Variants in CCDC82 observed in about 807,000 individuals in gnomAD.
CCDC82 encodes the protein coiled-coil domain containing 82.
In CCDC82, 47 loss-of-function variants were observed where a neutral mutation model predicts 60.6. The ratio of observed to expected loss-of-function variants is 0.77; its 90% CI spans 0.61 to 0.99. CCDC82 has a LOEUF of 0.99. Among genes scored for constraint, CCDC82 ranks in the 50% least tolerant of loss-of-function variants. The pLI, the probability that CCDC82 is intolerant of heterozygous loss-of-function variation, is 0.00. For missense variants in CCDC82, 588 were observed against 633.0 expected, an observed-to-expected ratio of 0.93 and a Z score of 0.76; for synonymous variants, 212 against 207.4, an observed-to-expected ratio of 1.02 and a Z score of -0.19.
chr11:96,374,816 A>C (rs1442613304), intron 5 of CCDC82, among the ~76,000 whole-genome samples: 2 of 152,074 alleles, frequency 1.3e-5, no homozygotes, highest in Non-Finnish European at 1.5e-5. Flanking sequence ...TCTCTGCCAG[A>C]TATGTTATAA....
At chr11:96,355,300 T>C (rs1312973761) in intron 9 of CCDC82, 1 of 152,158 alleles carries the variant, frequency 6.6e-6, no homozygotes, top group Non-Finnish European at 1.5e-5. Flanking sequence ...GCTCAGGCGA[T>C]TCTACCACCT....
chr11:96,365,300 T>C (rs1039478618), intron 7 of CCDC82, 150 bp from the exon 8 acceptor site: 22 of 454,564 alleles, frequency 4.8e-5, no homozygotes, highest in African/African-American at 8.0e-5. Context: ...ACTGAGCACA[T>C]AGTAGGTATT....
At chr11:96,365,741 G>A (rs1864911355) in intron 7 of CCDC82, among the ~76,000 whole-genome samples, 3 of 152,148 alleles carry the variant, frequency 2.0e-5, no homozygotes, top group Admixed American at 2.0e-4. Flanking sequence ...AAAACACTTG[G>A]CATTCATAAA....
In CCDC82 at chr11:96,369,571, G is replaced by C. The variant is rs1865148827; in HGVS notation, c.1209+1442C>G. Among the ~76,000 whole-genome samples, 3 of 152,156 alleles carry C rather than the reference G, an allele frequency of 2.0e-5. No individual in the cohort carries two copies. In the South Asian group the frequency reaches 6.2e-4, roughly 32 times the overall value. ...GGTGGAGCAGTCAGCACACACATTT[G>C]TAAATTAAGTTCACTATTATATGGG... On this transcript the variant is annotated intron_variant, in intron 7 of 9. Transcript: ENST00000646818.
chr11:96,369,015 C>T (rs963165823), intron 7 of CCDC82, among the ~76,000 whole-genome samples: 1 of 152,216 alleles, frequency 6.6e-6, no homozygotes, highest in Non-Finnish European at 1.5e-5. Flanking sequence ...CACCTTTGCA[C>T]TTTTACGTTA....
At chr11:96,389,555 A>C (rs1183440240) in intron 1 of CCDC82, 2 of 152,256 alleles carry the variant, frequency 1.3e-5, no homozygotes, top group African/African-American at 4.8e-5. Flanking sequence ...AAGGGTCTGG[A>C]AAGGCCAGAA....
intron 8 of CCDC82, chr11:96,364,422 T>A (rs1210054343): frequency 6.6e-6 from 1 of 152,110 alleles, no homozygotes; most frequent in African/African-American, 2.4e-5. Flanking sequence ...AGAATTTAGA[T>A]AAATATTATA....
intron 9 of CCDC82, 59 bp downstream of exon 9, chr11:96,358,934 T>C: frequency 7.4e-7 from 1 of 1,358,704 alleles, no homozygotes; most frequent in Non-Finnish European, 1.0e-6. Context: ...TGTTTCCTTT[T>C]GCTGATCATA....
In CCDC82 at chr11:96,384,068, G is replaced by A. The variant is rs1328976103; in HGVS notation, c.680C>T (p.Thr227Ile). The part of the protein sequence containing the change: ...EGSSVEMEQK[T>I]PEKTLAAQKR... ...TTGTGCAGCTAATGTTTTTTCAGGA[G>A]TCTTTTGCTCCATTTCCACTGAAGA... Residue 227 changes from threonine (T) to isoleucine (I), a missense_variant, in exon 4 of 10, where the codon ACT (threonine) becomes ATT (isoleucine). Transcript: ENST00000646818. 2.5e-6 allele frequency: 4 copies of A among 1,613,714 alleles called. No homozygotes were observed. Among genetic ancestry groups the A allele is most frequent in the East Asian group, 4.5e-5 (2 of 44,858 alleles).
At chr11:96,371,245 AG>A in intron 6 of CCDC82, 108 bp from the exon 7 acceptor site, 1 of 705,826 alleles carries the variant, frequency 1.4e-6, no homozygotes, top group Non-Finnish European at 2.1e-6. Context: ...ATTTTAAATT[AG>A]GAAAAAAAAT....
At chr11:96,354,983 C>T (rs1244827544) in intron 9 of CCDC82, 4 of 152,154 alleles carry the variant, frequency 2.6e-5, no homozygotes, top group South Asian at 2.1e-4. Flanking sequence ...TTTTTATAAC[C>T]GTATGATATC....
chr11:96,384,763 TATAAA>T lies in CCDC82; in HGVS notation c.-14-7_-14-3del. The stretch of plus-strand genomic sequence containing the variant: ...CATGTATCATTTTCACTTAAGCTTC[TATAAA>T]ATAAAGTTGTTAGGAATATAACAGT... On this transcript the variant is annotated splice_polypyrimidine_tract_variant and splice_region_variant and intron_variant, in intron 3 of 9. Transcript: ENST00000646818. The T allele has an allele frequency of 1.3e-6, 2 of 1,552,540 alleles. No homozygotes were observed. The highest frequency in any genetic ancestry group is 1.7e-6 in the Non-Finnish European group (2 of 1,151,274).
Position 96,384,506 on chromosome 11 carries a change from C to T in CCDC82, c.242G>A (p.Ser81Asn), listed in dbSNP as rs1343571398. 4 of 1,613,644 alleles carry T rather than the reference C, an allele frequency of 2.5e-6. No individual in the cohort carries two copies. The highest frequency in any genetic ancestry group is 1.1e-5 in the South Asian group (1 of 91,076). ...KGPDCNKTPG[S>N]ERELNLSKIQ... is the part of the protein sequence containing the mutation. ...TTTACTTAAGTTGAGCTCTCTTTCA[C>T]TTCCTGGTGTTTTATTACAATCAGG... The change falls in exon 4 of 10, where the codon AGT becomes AAT. Residue 81 changes from serine (S) to asparagine (N), a missense_variant. Transcript: ENST00000646818.
At position 96,384,065 on chromosome 11, in the gene CCDC82, G is replaced by A. The variant is rs1393885109; in HGVS notation, c.683C>T (p.Pro228Leu). ...GSSVEMEQKT[P>L]EKTLAAQKRE... ...CTTTTGTGCAGCTAATGTTTTTTCA[G>A]GAGTCTTTTGCTCCATTTCCACTGA... Residue 228 changes from proline (P) to leucine (L), a missense_variant, in exon 4 of 10, where the codon CCT becomes CTT. Physicochemically the swap from Pro to Leu is moderately conservative, Grantham distance 98. Coordinates refer to ENST00000646818, the MANE Select transcript of CCDC82 (RefSeq NM_024725.4). 1 of 1,613,698 alleles carries A rather than the reference G, an allele frequency of 6.2e-7. No individual in the cohort carries two copies. Among genetic ancestry groups the A allele is most frequent in the Non-Finnish European group, 8.5e-7 (1 of 1,179,750 alleles).
Position 96,384,390 on chromosome 11 carries a change from T to C in CCDC82, c.358A>G (p.Asn120Asp), listed in dbSNP as rs1480063984. ...TTTTCCTGATCTTGTAAGTCAATAT[T>C]CCTATGTTTGATTTTGTTCGTTTCT... ...EEETNKIKHR[N>D]IDLQDQEKHL... The change falls in exon 4 of 10, where the codon AAT becomes GAT. Residue 120 changes from asparagine to aspartate, a missense_variant. By Grantham distance (23) the Asn-to-Asp change is conservative. Coordinates refer to ENST00000646818, the MANE Select transcript of CCDC82 (RefSeq NM_024725.4). The C allele has an allele frequency of 6.2e-7, 1 of 1,613,858 alleles. No individual in the cohort carries two copies. The highest frequency in any genetic ancestry group is 1.1e-5 in the South Asian group (1 of 91,076).
intron 9 of CCDC82, 45 bp from the exon 10 acceptor site, chr11:96,353,759 A>T (rs1195763156): frequency 9.9e-6 from 14 of 1,408,218 alleles, no homozygotes; most frequent in Non-Finnish European, 1.4e-5. Flanking sequence ...CAAAGCAATG[A>T]AGACAAACTG....
In CCDC82 at chr11:96,389,898, C is replaced by G. The variant is rs973736626; in HGVS notation, c.-193G>C. On this transcript the variant is annotated 5_prime_UTR_variant, in exon 1 of 10. Transcript: ENST00000646818. ...CCTCCGCCCCTGCCCCGGCAACCAG[C>G]TCAGGACAAGCGATGCTCCTCCCCC... 3 of 153,224 alleles carry G rather than the reference C, an allele frequency of 2.0e-5. No homozygotes were observed. Among genetic ancestry groups the G allele is most frequent in the Admixed American group, 6.5e-5 (1 of 15,294 alleles). 9.5% of individuals were successfully genotyped at this position (153,224 alleles called of 1,614,324 possible).
chr11:96,376,848 A>T (rs1273411661), intron 5 of CCDC82, among the ~76,000 whole-genome samples: 1 of 152,158 alleles, frequency 6.6e-6, no homozygotes, highest in Non-Finnish European at 1.5e-5. Flanking sequence ...ATTGAGATTT[A>T]CATACTTACT....
intron 9 of CCDC82, chr11:96,358,118 CCT>C: frequency 4.1e-6 from 4 of 985,602 alleles, no homozygotes; most frequent in Non-Finnish European, 4.8e-6. Flanking sequence ...TTTTTATATT[CCT>C]CTTTTACAAA....
Sources: allele counts gnomAD v4.1 joint callset (sites outside exome capture counted in the v4.1 genomes callset), GRCh38; gene constraint gnomAD v4.1.1; transcripts MANE v1.5; gene names NCBI Gene and HGNC (gene_info 2026-07-23, HGNC 2026-07-21).